Variants in SIN3A observed in about 807,000 individuals in gnomAD.
SIN3A encodes paired amphipathic helix protein Sin3a.
Under a neutral mutation model 146.1 loss-of-function variants are expected in SIN3A, and 14 were observed. The observed-to-expected ratio is 0.10, with a 90% CI of 0.06 to 0.15. The LOEUF (loss-of-function observed/expected upper bound fraction) is 0.15, where lower values mean the gene tolerates loss of function less well. Among genes scored for constraint, SIN3A ranks in the 10% least tolerant of loss-of-function variants. SIN3A has a pLI of 1.00. For missense variants in SIN3A, 1,028 were observed against 1,576.0 expected, an observed-to-expected ratio of 0.65 and a Z score of 5.89; for synonymous variants, 572 against 572.0, an observed-to-expected ratio of 1.00 and a Z score of 0.00.
chr15:75,454,416 G>C (rs1318894020), upstream of SIN3A, among the ~76,000 whole-genome samples: 2 of 151,756 alleles, frequency 1.3e-5, no homozygotes, highest in Non-Finnish European at 2.9e-5. Context: ...CTGGGCCGAG[G>C]AGTGCAGGCA....
rs2072972323 is a variant in SIN3A, at chr15:75,381,627, G to A, written c.3274C>T (p.Pro1092Ser). 1.2e-6 allele frequency: 2 copies of A among 1,613,232 alleles called. No individual in the cohort carries two copies. Among genetic ancestry groups the A allele is most frequent in the Non-Finnish European group, 8.5e-7 (1 of 1,179,570 alleles). Residue 1092 changes from proline (P) to serine (S), a missense_variant, in exon 18 of 21, where the codon CCT (proline) becomes TCT (serine). By Grantham distance (74) the Pro-to-Ser change is moderately conservative (BLOSUM62 -1). Transcript: ENST00000394947. Reference sequence around the variant, plus strand: ...CTTGCTCATACCTCTGCTTCCACAGGGTCATCCGAATTCTCCTCTTCTGTG... The same window carrying A: ...CTTGCTCATACCTCTGCTTCCACAGAGTCATCCGAATTCTCCTCTTCTGTG... The part of the protein sequence containing the change: ...LDTEEENSDD[P>S]VEAERWSDYV...
At chr15:75,440,194 C>G (rs780501372) in intron 1 of SIN3A, among the ~76,000 whole-genome samples, 11 of 151,572 alleles carry the variant, frequency 7.3e-5, no homozygotes, top group Admixed American at 1.3e-4. Flanking sequence ...AACCCCATAT[C>G]GTTATTACTT....
At chr15:75,435,020 G>A (rs910460433) in intron 1 of SIN3A, among the ~76,000 whole-genome samples, 7 of 151,940 alleles carry the variant, frequency 4.6e-5, no homozygotes, top group African/African-American at 1.7e-4. Context: ...TAAGGATACA[G>A]GGAAACACTG....
chr15:75,372,041 G>A lies in SIN3A; in HGVS notation c.3760C>T (p.Leu1254=). Residue 1254 remains leucine (L), a synonymous_variant, in exon 21 of 21, where the codon CTG becomes TTG. Coordinates refer to ENST00000394947, the MANE Select transcript of SIN3A (RefSeq NM_001145358.2). ...TACTTGTTAATGCTCACAAAATGCA[G>A]GGTCTCTGTATCACAGGTGGTGGTA... is the stretch of plus-strand genomic sequence containing the variant. ...PCTTTCDTET[L]HFVSINKYRV... 6.2e-7 allele frequency: 1 copy of A among 1,614,176 alleles called. No homozygotes were observed. The highest frequency in any genetic ancestry group is 8.5e-7 in the Non-Finnish European group (1 of 1,180,030).
Position 75,371,877 on chromosome 15 carries a change from T to C in SIN3A, c.*102A>G, listed in dbSNP as rs1292984248. 8 of 1,072,952 alleles carry C rather than the reference T, an allele frequency of 7.5e-6. No homozygotes were observed. The East Asian group carries it at 1.7e-4, about 23-fold the overall frequency. 66.5% of individuals were successfully genotyped at this position (1,072,952 alleles called of 1,614,324 possible). On this transcript the variant is annotated 3_prime_UTR_variant, in exon 21 of 21. Transcript: ENST00000394947. The stretch of plus-strand genomic sequence containing the variant: ...GTGGCCATGTCCCAGAGAGGCCCAG[T>C]GAGGCTTGAAAGGCATCTTCCTTGT...
chr15:75,392,669 G>T lies in SIN3A; in HGVS notation c.2424C>A (p.Asp808Glu), dbSNP rs1439603741. 1.9e-6 allele frequency: 3 copies of T among 1,614,018 alleles called. No individual in the cohort carries two copies. The highest frequency in any genetic ancestry group is 2.2e-5 in the East Asian group (1 of 44,898). ...GCATGATTTGTTTTATCTTATATTT[G>T]TCCTCCTTCTGAATGCCTGTCTGCC... is the stretch of plus-strand genomic sequence containing the variant. ...VKRQTGIQKE[D>E]KYKIKQIMHH... The change falls in exon 15 of 21, where the codon GAC becomes GAA. Residue 808 changes from aspartate (D) to glutamate (E), a missense_variant. Asp to Glu is a conservative substitution (Grantham distance 45). This residue lies in a region of SIN3A where 488 missense variants were observed against 690.2 expected (regional missense o/e 0.71). Transcript: ENST00000394947.
At chr15:75,441,242 GGAGGTTGACC>G (rs1223889812) in intron 1 of SIN3A, among the ~76,000 whole-genome samples, 1 of 151,718 alleles carries the variant, frequency 6.6e-6, no homozygotes, top group East Asian at 1.9e-4. Flanking sequence ...CTTGGGAGGT[GGAGGTTGACC>G]GAGATCTCGC....
intron 15 of SIN3A, among the ~76,000 whole-genome samples, 155 bp from the exon 16 acceptor site, chr15:75,389,976 G>C (rs1733924575): frequency 6.6e-6 from 1 of 152,230 alleles, no homozygotes; most frequent in Admixed American, 6.5e-5. Context: ...AAACAGAGAT[G>C]AATTCCGACA....
In SIN3A at chr15:75,400,170, A is replaced by T; in HGVS notation, c.1738-14T>A. 1 of 1,434,954 alleles carries T rather than the reference A, an allele frequency of 7.0e-7. No individual in the cohort carries two copies. 88.9% of individuals were successfully genotyped at this position (1,434,954 alleles called of 1,614,324 possible). On this transcript the variant is annotated splice_polypyrimidine_tract_variant and intron_variant, in intron 11 of 20. Transcript: ENST00000394947. ...ATCATTTAAAACCTTTGGGTAGAAG[A>T]AGAGAGACTGAAACAAAAGCCTAAA... is the stretch of plus-strand genomic sequence containing the variant.
intron 1 of SIN3A, among the ~76,000 whole-genome samples, chr15:75,434,705 T>A (rs982291232): frequency 1.3e-5 from 2 of 150,582 alleles, no homozygotes; most frequent in Non-Finnish European, 2.9e-5. Flanking sequence ...TCCTAACACT[T>A]TGGTTCGCCG....
chr15:75,446,202 T>C (rs185347589), intron 1 of SIN3A: 16 of 151,934 alleles, frequency 1.1e-4, no homozygotes, highest in African/African-American at 3.9e-4. Flanking sequence ...GTTTTTGAAA[T>C]TGTAGATAAG....
Position 75,410,297 on chromosome 15 carries a change from G to A in SIN3A, c.1009-11C>T, listed in dbSNP as rs1406530202. The stretch of plus-strand genomic sequence containing the variant: ...ATTTCTCTGCTCTTTCTGAGGAATT[G>A]CAAATGAAAAGAGATCATTTGGGCT... On this transcript the variant is annotated splice_polypyrimidine_tract_variant and intron_variant, in intron 6 of 20. Transcript: ENST00000394947. 1 of 1,609,554 alleles carries A rather than the reference G, an allele frequency of 6.2e-7. No homozygotes were observed. Among genetic ancestry groups the A allele is most frequent in the African/African-American group, 1.3e-5 (1 of 74,746 alleles).
intron 1 of SIN3A, among the ~76,000 whole-genome samples, chr15:75,435,713 AAAG>A (rs1390276991): frequency 2.5e-4 from 38 of 152,032 alleles, no homozygotes; most frequent in Admixed American, 7.2e-4. Context: ...AAAAAAAAAA[AAAG>A]AAGAAGAAAA....
In SIN3A at chr15:75,384,401, C is replaced by A; in HGVS notation, c.3058G>T (p.Val1020Leu). Reference sequence around the variant, plus strand: ...TTTTCTGCCAGGTAAAGGTCAGTCACCTGCACACAGATCTCATCACTCACG... The same window carrying A: ...TTTTCTGCCAGGTAAAGGTCAGTCAACTGCACACAGATCTCATCACTCACG... ...HIVSDEICVQ[V>L]TDLYLAENNN... Residue 1020 changes from valine to leucine, a missense_variant, in exon 17 of 21, where the codon GTG becomes TTG. This residue lies in a region of SIN3A where 488 missense variants were observed against 690.2 expected (regional missense o/e 0.71). Transcript: ENST00000394947. 6.2e-7 allele frequency: 1 copy of A among 1,613,702 alleles called. No individual in the cohort carries two copies. The highest frequency in any genetic ancestry group is 1.1e-5 in the South Asian group (1 of 91,058).
chr15:75,439,944 A>G (rs911290126), intron 1 of SIN3A, among the ~76,000 whole-genome samples: 9 of 151,700 alleles, frequency 5.9e-5, no homozygotes, highest in Admixed American at 4.6e-4. Flanking sequence ...TGAGGTCAGG[A>G]GTTCAAGACC....
At chr15:75,394,622 A>G in intron 14 of SIN3A, 58 bp downstream of exon 14, 1 of 1,398,720 alleles carries the variant, frequency 7.1e-7, no homozygotes, top group East Asian at 2.3e-5. Flanking sequence ...TCCAGAAATC[A>G]AAGCTGTGCT....
intron 2 of SIN3A, among the ~76,000 whole-genome samples, chr15:75,427,307 A>C (rs1386876375): frequency 6.6e-6 from 1 of 152,040 alleles, no homozygotes; most frequent in Non-Finnish European, 1.5e-5. Context: ...TGGAAGCCAG[A>C]GGTTGCAGTG....
chr15:75,417,543 A>AT (rs1221953395), intron 3 of SIN3A, among the ~76,000 whole-genome samples: 1 of 151,286 alleles, frequency 6.6e-6, no homozygotes, highest in Non-Finnish European at 1.5e-5. Context: ...CATCCAACTA[A>AT]TTTTTTTGTA....
intron 3 of SIN3A, among the ~76,000 whole-genome samples, chr15:75,414,880 C>A (rs1380622594): frequency 6.6e-6 from 1 of 151,958 alleles, no homozygotes; most frequent in Non-Finnish European, 1.5e-5. Context: ...AGCGGCAGCA[C>A]GGGTAAAATC....
Sources: allele counts gnomAD v4.1 joint callset (sites outside exome capture counted in the v4.1 genomes callset), GRCh38; gene constraint gnomAD v4.1.1; regional missense constraint gnomAD v4.1.1; transcripts MANE v1.5; gene names NCBI Gene and HGNC (gene_info 2026-07-23, HGNC 2026-07-21).